The following TCP11L2 variants were observed in gnomAD, a reference collection of about 807,000 sequenced individuals.
The protein encoded by TCP11L2 is t-complex 11 like 2, also known as T-complex protein 11-like protein 2.
TCP11L2 carries 39 observed loss-of-function variants against 50.7 expected under a neutral mutation model. The ratio of observed to expected loss-of-function variants is 0.77; its 90% CI spans 0.60 to 1.01. The LOEUF (loss-of-function observed/expected upper bound fraction) is 1.01, where lower values mean the gene tolerates loss of function less well. Ranked by LOEUF, TCP11L2 falls within the 50% of genes least tolerant of loss-of-function variation. TCP11L2 has a pLI of 0.00. For synonymous variants in TCP11L2, 192 were observed against 219.3 expected (o/e 0.88, Z 1.10); for missense variants, 612 against 614.7 (o/e 1.00, Z 0.05).
chr12:106,323,521 A>G lies in TCP11L2; in HGVS notation c.647A>G (p.His216Arg), dbSNP rs2035417872. The change falls in exon 6 of 10, where the codon CAT becomes CGT. Residue 216 changes from histidine to arginine, a missense_variant. By Grantham distance (29) the His-to-Arg change is conservative (BLOSUM62 0). Coordinates refer to ENST00000299045, the MANE Select transcript of TCP11L2 (RefSeq NM_152772.3). The stretch of plus-strand genomic sequence containing the variant: ...TCTAAAATTTTTAGACAAATATTCC[A>G]TGTCCTGGACCTCATGCAAATGGAC... ...NIVEVLRQIF[H>R]VLDLMQMDMA... is the part of the protein sequence containing the mutation. The G allele has an allele frequency of 6.3e-7, 1 of 1,596,782 alleles. No homozygotes were observed. Among genetic ancestry groups the G allele is most frequent in the Non-Finnish European group, 8.5e-7 (1 of 1,171,028 alleles).
chr12:106,302,616 G>C (rs915325157), upstream of TCP11L2, among the ~76,000 whole-genome samples: 1 of 151,674 alleles, frequency 6.6e-6, no homozygotes, highest in African/African-American at 2.4e-5. Context: ...CGGCCTCTCT[G>C]GTTCAAACTG....
chr12:106,339,278 C>T (rs751965002), intron 8 of TCP11L2, among the ~76,000 whole-genome samples: 3 of 152,186 alleles, frequency 2.0e-5, no homozygotes, highest in Non-Finnish European at 4.4e-5. Context: ...ACATGTATGT[C>T]TTCTTTTGAG....
rs1309454630 is a variant in TCP11L2 at position 106,346,760 on chromosome 12, CAA to C, written c.*232_*233del. On this transcript the variant is annotated 3_prime_UTR_variant, in exon 10 of 10. Coordinates refer to ENST00000299045, the MANE Select transcript of TCP11L2 (RefSeq NM_152772.3). The stretch of plus-strand genomic sequence containing the variant: ...TTGTGCATCATTTTCAAGTTTAAAA[CAA>C]ATATTTGTAATGAACAGAAAACAAT... The C allele has an allele frequency of 1.3e-5, 6 of 454,604 alleles. No homozygotes were observed. The highest frequency in any genetic ancestry group is 2.3e-5 in the Non-Finnish European group (6 of 261,186). 28.2% of individuals were successfully genotyped at this position (454,604 alleles called of 1,614,324 possible). A position where few individuals can be genotyped will look rare whatever the true frequency, so the allele number is the denominator to read the frequency against.
chr12:106,333,307 A>G (rs1166334687), intron 6 of TCP11L2, among the ~76,000 whole-genome samples: 1 of 152,230 alleles, frequency 6.6e-6, no homozygotes, highest in Non-Finnish European at 1.5e-5. Flanking sequence ...AGCTATTTCA[A>G]AATTTAAAAG....
chr12:106,301,042 T>C (rs76657992), upstream of TCP11L2, among the ~76,000 whole-genome samples: 2,914 of 152,320 alleles, frequency 0.019, 103 homozygotes, highest in African/African-American at 0.066. Flanking sequence ...TGGGTGTTCA[T>C]CTTTCTATTG....
chr12:106,326,232 C>G (rs2035541034), intron 6 of TCP11L2, among the ~76,000 whole-genome samples: 1 of 152,164 alleles, frequency 6.6e-6, no homozygotes, highest in Non-Finnish European at 1.5e-5. Flanking sequence ...TAAAGGGGCC[C>G]TGGCAGGCAG....
At chr12:106,339,663 G>T (rs1167467912) in intron 8 of TCP11L2, among the ~76,000 whole-genome samples, 1 of 152,186 alleles carries the variant, frequency 6.6e-6, no homozygotes, top group Admixed American at 6.5e-5. Flanking sequence ...AAAGGAAGGA[G>T]TCCAGTATCA....
In TCP11L2 at chr12:106,346,357, C is replaced by T; in HGVS notation, c.1387C>T (p.Pro463Ser). The T allele has an allele frequency of 1.9e-6, 3 of 1,613,552 alleles. No homozygotes were observed. Among genetic ancestry groups the T allele is most frequent in the Non-Finnish European group, 2.5e-6 (3 of 1,179,474 alleles). ...CCCTCAAAAATGCATGCCTCCTATG[C>T]CAGGAGGCCTAGCTGTCATTCAGCA... ...PSPQKCMPPM[P>S]GGLAVIQQEL... The change falls in exon 10 of 10, where the codon CCA becomes TCA. Residue 463 changes from proline (P) to serine (S), a missense_variant. Pro to Ser is a moderately conservative substitution (Grantham distance 74). Transcript: ENST00000299045.
chr12:106,329,268 G>C, intron 6 of TCP11L2: 1 of 1,529,024 alleles, frequency 6.5e-7, no homozygotes, highest in Non-Finnish European at 8.8e-7. Flanking sequence ...GGACTGAGTA[G>C]GTGCCCAGTG....
intron 1 of TCP11L2, chr12:106,304,255 A>G (rs2034537901): frequency 2.0e-5 from 3 of 152,320 alleles, no homozygotes; most frequent in Admixed American, 6.5e-5. Context: ...ACAGACCAGC[A>G]AGTGTGGGAG....
chr12:106,331,087 A>G (rs963326558), intron 6 of TCP11L2, among the ~76,000 whole-genome samples: 2 of 152,196 alleles, frequency 1.3e-5, no homozygotes, highest in Non-Finnish European at 2.9e-5. Flanking sequence ...TTAAGGTCAA[A>G]TTAAGTATGA....
At chr12:106,318,963 C>T (rs1025556449) in intron 4 of TCP11L2, among the ~76,000 whole-genome samples, 2 of 151,424 alleles carry the variant, frequency 1.3e-5, no homozygotes, top group African/African-American at 2.4e-5. Context: ...GGACTGCGGA[C>T]TGCAGTGGCG....
upstream of TCP11L2, among the ~76,000 whole-genome samples, chr12:106,300,080 T>C (rs1253332006): frequency 6.6e-6 from 1 of 151,998 alleles, no homozygotes; most frequent in Non-Finnish European, 1.5e-5. Flanking sequence ...TTCAAAAAGG[T>C]AAGTTAGAAA....
chr12:106,319,005 G>T (rs1020633404), intron 4 of TCP11L2, among the ~76,000 whole-genome samples: 1 of 151,856 alleles, frequency 6.6e-6, no homozygotes, highest in East Asian at 1.9e-4. Flanking sequence ...TCCGCTTCCC[G>T]GGTTCACGCC....
At chr12:106,329,996 G>T (rs1356969141) in intron 6 of TCP11L2, 16 of 985,424 alleles carry the variant, frequency 1.6e-5, no homozygotes, top group Non-Finnish European at 1.9e-5. Context: ...AAGAATTTCA[G>T]TCTCTCTCTA....
At chr12:106,318,839 T>C (rs1345049546) in intron 4 of TCP11L2, among the ~76,000 whole-genome samples, 3 of 152,194 alleles carry the variant, frequency 2.0e-5, no homozygotes, top group Non-Finnish European at 4.4e-5. Context: ...GCCTCCCAAG[T>C]ATCTGGGACT....
In TCP11L2 at chr12:106,336,226, T is replaced by C; in HGVS notation, c.1142+13T>C. On this transcript the variant is annotated intron_variant, in intron 8 of 9. Transcript: ENST00000299045. ...GCATGAACAAAGAGTAAGTTCCAAA[T>C]TTTTGCATCTGCTCCCTCTTGTATT... 1 of 1,598,442 alleles carries C rather than the reference T, an allele frequency of 6.3e-7. No individual in the cohort carries two copies. The highest frequency in any genetic ancestry group is 8.5e-7 in the Non-Finnish European group (1 of 1,174,168).
At chr12:106,321,771 C>A in intron 5 of TCP11L2, 65 bp downstream of exon 5, 1 of 1,388,014 alleles carries the variant, frequency 7.2e-7, no homozygotes, top group Non-Finnish European at 1.0e-6. Flanking sequence ...GGAAGTTGGG[C>A]ATCAGGGAAC....
chr12:106,298,879 G>A (rs2034378423), upstream of TCP11L2, among the ~76,000 whole-genome samples: 1 of 151,748 alleles, frequency 6.6e-6, no homozygotes, highest in South Asian at 2.1e-4. Flanking sequence ...GTGCAATGGT[G>A]CAATCCTGGC....
Sources: allele counts gnomAD v4.1 joint callset (sites outside exome capture counted in the v4.1 genomes callset), GRCh38; gene constraint gnomAD v4.1.1; transcripts MANE v1.5; gene names NCBI Gene and HGNC (gene_info 2026-07-23, HGNC 2026-07-21).